KATNAL1: variants seen among roughly 807,000 people sequenced by gnomAD.
The protein encoded by KATNAL1 is katanin catalytic subunit A1 like 1, also known as katanin p60 ATPase-containing subunit A-like 1.
In KATNAL1, 32 loss-of-function variants were observed where a neutral mutation model predicts 55.2. That is an observed-to-expected ratio of 0.58 (90% CI 0.44 to 0.78). KATNAL1 has a LOEUF of 0.78. Ranked by LOEUF, KATNAL1 falls within the 30% of genes least tolerant of loss-of-function variation. The probability of loss-of-function intolerance (pLI) is 0.00; values close to 1 mark genes in which losing one functional copy is unlikely to be tolerated. For missense variants in KATNAL1, 466 were observed against 600.9 expected (o/e 0.78, Z 2.35); for synonymous variants, 193 against 193.6 (o/e 1.00, Z 0.02).
Position 30,208,653 on chromosome 13 carries a change from T to C in KATNAL1, c.1360A>G (p.Met454Val). ...TCAAAGTCTCCTTTGGTAACAGGCA[T>C]CTGAAGTTCCTCTTTAGAAAGTGCA... Reference protein sequence around the residue: ...IRALSKEELQMPVTKGDFELA... With the variant: ...IRALSKEELQVPVTKGDFELA... Residue 454 changes from methionine (M) to valine (V), a missense_variant, in exon 11 of 11, where the codon ATG becomes GTG. Around this residue, in one of 3 missense-constraint regions of KATNAL1, gnomAD observed 213 missense variants for 308.6 expected, o/e 0.69. Coordinates refer to ENST00000380615, the MANE Select transcript of KATNAL1 (RefSeq NM_032116.5). The C allele has an allele frequency of 6.2e-7, 1 of 1,614,078 alleles. No individual in the cohort carries two copies. Among genetic ancestry groups the C allele is most frequent in the Non-Finnish European group, 8.5e-7 (1 of 1,179,948 alleles).
chr13:30,307,029 G>C (rs1883230430), intron 1 of KATNAL1: 1 of 149,968 alleles, frequency 6.7e-6, no homozygotes, highest in African/African-American at 2.5e-5. Flanking sequence ...TTTCTGTCCC[G>C]GTCCGCTCAA....
At chr13:30,283,333 C>T (rs1881544688) in intron 2 of KATNAL1, among the ~76,000 whole-genome samples, 1 of 147,072 alleles carries the variant, frequency 6.8e-6, no homozygotes, top group Non-Finnish European at 1.5e-5. Context: ...AGTTTGCAGT[C>T]ACACAATTAG....
intron 9 of KATNAL1, among the ~76,000 whole-genome samples, chr13:30,215,983 TTGATATTTGTTA>T (rs1436358638): frequency 6.6e-6 from 1 of 152,152 alleles, no homozygotes; most frequent in Non-Finnish European, 1.5e-5. Flanking sequence ...CACCCAATCT[TTGATATTTGTTA>T]TGGTAGCCCT....
intron 6 of KATNAL1, among the ~76,000 whole-genome samples, chr13:30,235,009 G>C (rs1566097446): frequency 6.6e-6 from 1 of 152,188 alleles, no homozygotes; most frequent in Non-Finnish European, 1.5e-5. Flanking sequence ...CATGTGATTA[G>C]AGAGCTGGGG....
intron 1 of KATNAL1, chr13:30,296,531 C>A: frequency 1.4e-6 from 1 of 735,078 alleles, no homozygotes; most frequent in Non-Finnish European, 2.5e-6. Context: ...GCCTCTTTAT[C>A]ATTGATGGCA....
chr13:30,217,597 G>T (rs1432736897), intron 9 of KATNAL1, among the ~76,000 whole-genome samples: 2 of 152,108 alleles, frequency 1.3e-5, no homozygotes, highest in Non-Finnish European at 2.9e-5. Flanking sequence ...GTTGTTAGAG[G>T]AATCATACAC....
intron 6 of KATNAL1, among the ~76,000 whole-genome samples, chr13:30,239,809 C>T (rs1877079956): frequency 6.6e-6 from 1 of 151,636 alleles, no homozygotes; most frequent in African/African-American, 2.4e-5. Context: ...CCTCAGCCTC[C>T]CGAGTAGCTG....
intron 9 of KATNAL1, among the ~76,000 whole-genome samples, chr13:30,216,365 T>C (rs1874231663): frequency 6.6e-6 from 1 of 152,156 alleles, no homozygotes; most frequent in South Asian, 2.1e-4. Context: ...CCACTTCTCC[T>C]GGAGCGGGTA....
At position 30,244,088 on chromosome 13, in the gene KATNAL1, AC is replaced by A. The variant is rs374487335; in HGVS notation, c.493-3003del. 4.8e-4 allele frequency among the ~76,000 whole-genome samples: 60 copies of A among 125,126 alleles called. 3 individuals carry two copies. The South Asian group carries it at 0.015, about 30-fold the overall frequency. The allele number at this position is 125,126 out of a possible 152,430, so 82.1% of individuals were successfully genotyped here. A position where few individuals can be genotyped will look rare whatever the true frequency, so the allele number is the denominator to read the frequency against. On this transcript the variant is annotated intron_variant, in intron 4 of 10. Coordinates refer to ENST00000380615, the MANE Select transcript of KATNAL1 (RefSeq NM_032116.5). ...CATGTTATCCTTCCCCTAGTCCCCC[AC>A]CCCCCAACAGGCCCCAGTGTGTGAT... is the stretch of plus-strand genomic sequence containing the variant.
chr13:30,253,703 A>T (rs1360757751), intron 4 of KATNAL1, among the ~76,000 whole-genome samples: 2 of 151,854 alleles, frequency 1.3e-5, no homozygotes, highest in African/African-American at 2.4e-5. Flanking sequence ...CATTCAAAAA[A>T]TGCTGCTTGA....
At chr13:30,305,973 T>C (rs1419391258) in intron 1 of KATNAL1, among the ~76,000 whole-genome samples, 26 of 152,186 alleles carry the variant, frequency 1.7e-4, no homozygotes, top group Admixed American at 1.7e-3. Flanking sequence ...TTGTACAAAA[T>C]TGCAACCTCA....
intron 1 of KATNAL1, among the ~76,000 whole-genome samples, chr13:30,286,086 A>G (rs1881765202): frequency 6.6e-6 from 1 of 152,238 alleles, no homozygotes; most frequent in Admixed American, 6.5e-5. Flanking sequence ...TTAAAAGGGA[A>G]GCAGTGAATA....
intron 2 of KATNAL1, among the ~76,000 whole-genome samples, chr13:30,280,820 T>G (rs1881225263): frequency 6.6e-6 from 1 of 152,118 alleles, no homozygotes; most frequent in African/African-American, 2.4e-5. Context: ...AAGACAAGAT[T>G]TTTCCTGTAT....
intron 3 of KATNAL1, among the ~76,000 whole-genome samples, chr13:30,256,960 A>T (rs1878848118): frequency 6.6e-6 from 1 of 152,256 alleles, no homozygotes; most frequent in South Asian, 2.1e-4. Context: ...CTTGTGAAAG[A>T]AATCCTCAGG....
At chr13:30,270,091 G>A (rs1191774835) in intron 3 of KATNAL1, among the ~76,000 whole-genome samples, 2,254 of 115,988 alleles carry the variant, frequency 0.019, 71 homozygotes, top group African/African-American at 0.069. Flanking sequence ...TCAGCCCCCC[G>A]CCCGGCCAGC....
rs1296133175 is a variant in KATNAL1, at chr13:30,306,358, T to C, written c.-15+973A>G. Among the ~76,000 whole-genome samples, 3 of 152,306 alleles carry C rather than the reference T, an allele frequency of 2.0e-5. No individual in the cohort carries two copies. The East Asian group carries it at 5.8e-4, about 29-fold the overall frequency. ...TAACACTGGAATAATCAAAGAATTA[T>C]TGCTGCCTACTGCTAAAAAAGTCTG... is the stretch of plus-strand genomic sequence containing the variant. On this transcript the variant is annotated intron_variant, in intron 1 of 10. Transcript: ENST00000380615.
At chr13:30,279,409 G>C (rs1032097174) in intron 3 of KATNAL1, among the ~76,000 whole-genome samples, 7 of 152,220 alleles carry the variant, frequency 4.6e-5, no homozygotes, top group Non-Finnish European at 1.0e-4. Context: ...AGGCTGCAGA[G>C]GGGATAGTCA....
intron 1 of KATNAL1, among the ~76,000 whole-genome samples, chr13:30,289,996 T>A (rs1048210939): frequency 6.6e-6 from 1 of 152,214 alleles, no homozygotes; most frequent in African/African-American, 2.4e-5. Flanking sequence ...TGTCACAAAA[T>A]AGTATTCTTC....
At chr13:30,209,022 A>T (rs900481000) in intron 10 of KATNAL1, among the ~76,000 whole-genome samples, 1 of 152,240 alleles carries the variant, frequency 6.6e-6, no homozygotes, top group Admixed American at 6.5e-5. Flanking sequence ...AAGACAGCCA[A>T]GAAGTTTAGG....
Sources: gnomAD v4.1 joint callset for allele counts (sites outside exome capture counted in the v4.1 genomes callset) on GRCh38, gnomAD v4.1.1 for gene constraint, gnomAD v4.1.1 regional missense constraint, MANE v1.5 for transcripts, NCBI Gene and HGNC (gene_info 2026-07-23, HGNC 2026-07-21) for gene names.